The following SV2B variants were observed in gnomAD, a reference collection of about 807,000 sequenced individuals.
The protein encoded by SV2B is solute carrier family 22 member B2.
In SV2B, 41 loss-of-function variants were observed where a neutral mutation model predicts 73.9. The observed-to-expected ratio is 0.56, with a 90% CI of 0.43 to 0.72. SV2B has a LOEUF of 0.72. Ranked by LOEUF, SV2B falls within the 30% of genes least tolerant of loss-of-function variation. The probability of loss-of-function intolerance (pLI) is 0.00; values close to 1 mark genes in which losing one functional copy is unlikely to be tolerated. For synonymous variants in SV2B, 314 were observed against 314.2 expected (o/e 1.00, Z 0.01); for missense variants, 764 against 857.8 (o/e 0.89, Z 1.37).
At chr15:91,177,320 G>T (rs1201561035) in intron 1 of SV2B, among the ~76,000 whole-genome samples, 5,716 of 147,612 alleles carry the variant, frequency 0.039, 326 homozygotes, top group African/African-American at 0.13. Flanking sequence ...TGAAGTCAGG[G>T]AGCGTGATGC....
intron 1 of SV2B, among the ~76,000 whole-genome samples, chr15:91,176,944 T>C (rs2044332872): frequency 6.6e-6 from 1 of 152,224 alleles, no homozygotes; most frequent in Non-Finnish European, 1.5e-5. Flanking sequence ...GCTTTTGGCA[T>C]TTTAGACATG....
intron 2 of SV2B, among the ~76,000 whole-genome samples, chr15:91,233,378 C>T (rs551789283): frequency 1.3e-5 from 2 of 152,138 alleles, no homozygotes; most frequent in Non-Finnish European, 2.9e-5. Context: ...AATGAATGAG[C>T]CCAAGGATTC....
Position 91,221,693 on chromosome 15 carries a change from G to GCGCGCGCGCGCGCACACA in SV2B, c.-391-4179_-391-4178insGCGCGCGCGCGCACACAC, listed in dbSNP as rs370290337. Among the ~76,000 whole-genome samples the GCGCGCGCGCGCGCACACA allele has an allele frequency of 3.1e-3, 437 of 140,152 alleles. 2 individuals carry two copies. The highest frequency in any genetic ancestry group is 0.012 in the African/African-American group (422 of 35,810). The allele number at this position is 140,152 out of a possible 152,430, so 91.9% of individuals were successfully genotyped here. A position where few individuals can be genotyped will look rare whatever the true frequency, so the allele number is the denominator to read the frequency against. ...CTGTGGACTATTACCAAGCATGTGCGCACACACACACACACACACACACAC... is the reference window on the plus strand; with the variant it reads ...CTGTGGACTATTACCAAGCATGTGCGCGCGCGCGCGCGCACACACACACACACACACACACACACACAC... On this transcript the variant is annotated intron_variant, in intron 1 of 12. Coordinates refer to ENST00000394232, the MANE Select transcript of SV2B (RefSeq NM_001323032.3).
rs2042159781 is a variant in SV2B at position 91,115,683 on chromosome 15, A to G, written c.-392+15320A>G. On this transcript the variant is annotated intron_variant, in intron 1 of 12. Transcript: ENST00000394232. The surrounding 1 kb of genome is among the most constrained non-coding windows in gnomAD (Gnocchi z 4.3). The stretch of plus-strand genomic sequence containing the variant: ...TGAGCCACTGCGCCTGGCCTTCCTT[A>G]TTTTTTTCTAAGGGGTTTCTAAGGG... Among the ~76,000 whole-genome samples, 1 of 151,358 alleles carries G rather than the reference A, an allele frequency of 6.6e-6. No homozygotes were observed. Among genetic ancestry groups the G allele is most frequent in the South Asian group, 2.1e-4 (1 of 4,782 alleles).
Position 91,232,435 on chromosome 15 carries a change from T to C in SV2B, c.451+5721T>C, listed in dbSNP as rs1160532279. Among the ~76,000 whole-genome samples the C allele has an allele frequency of 6.6e-6, 1 of 152,048 alleles. No homozygotes were observed. The highest frequency in any genetic ancestry group is 6.5e-5 in the Admixed American group (1 of 15,268). On this transcript the variant is annotated intron_variant, in intron 2 of 12. Transcript: ENST00000394232. This position sits in a 1 kb window ranked among gnomAD's most constrained non-coding sequence, Gnocchi z 4.7. Reference sequence around the variant, plus strand: ...GATTGCTGTGTTTAGGAGTGTGGAGTTGATTCCACCGGCAATGGAGAGCTG... The same window carrying C: ...GATTGCTGTGTTTAGGAGTGTGGAGCTGATTCCACCGGCAATGGAGAGCTG...
At position 91,281,838 on chromosome 15, in the gene SV2B, A is replaced by C. The variant is rs775286573; in HGVS notation, c.1484A>C (p.Glu495Ala). Reference protein sequence around the residue: ...TDTYFKNCTIESTIFYNTDLY... With the variant: ...TDTYFKNCTIASTIFYNTDLY... ...ACCTACTTCAAAAATTGTACCATTG[A>C]ATCAACCATCTTTTACAACACAGGT... The change falls in exon 10 of 13, where the codon GAA becomes GCA. Residue 495 changes from glutamate to alanine, a missense_variant. By Grantham distance (107) the Glu-to-Ala change is moderately radical (BLOSUM62 -1). Transcript: ENST00000394232. This position sits in a 1 kb window ranked among gnomAD's most constrained non-coding sequence, Gnocchi z 4.7. 11 of 1,612,586 alleles carry C rather than the reference A, an allele frequency of 6.8e-6. 1 individual carries two copies. The highest frequency in any genetic ancestry group is 1.7e-4 in the Middle Eastern group (1 of 5,780).
In SV2B at chr15:91,179,936, T is replaced by TA. The variant is rs1327494781; in HGVS notation, c.-391-45937_-391-45936insA. Among the ~76,000 whole-genome samples the TA allele has an allele frequency of 2.0e-5, 3 of 151,516 alleles. No individual in the cohort carries two copies. In the East Asian group the frequency reaches 5.9e-4, roughly 30 times the overall value. On this transcript the variant is annotated intron_variant, in intron 1 of 12. Coordinates refer to ENST00000394232, the MANE Select transcript of SV2B (RefSeq NM_001323032.3). The stretch of plus-strand genomic sequence containing the variant: ...ATGTGTGAATTTGATCCTGTCGTTA[T>TA]GATGTTAGCTGGTTATTTTGCTCAT...
In SV2B at chr15:91,226,667, G is replaced by A; in HGVS notation, c.404G>A (p.Ser135Asn). ...EVFVVSFALP[S>N]AEKDMCLSSS... is the part of the protein sequence containing the mutation. ...TTCGTGGTGAGTTTTGCCCTGCCCA[G>A]TGCAGAGAAGGACATGTGTCTGTCC... Residue 135 changes from serine to asparagine, a missense_variant, in exon 2 of 13, where the codon AGT (serine) becomes AAT (asparagine). Ser to Asn is a conservative substitution (Grantham distance 46). Transcript: ENST00000394232. 6.2e-7 allele frequency: 1 copy of A among 1,613,452 alleles called. No individual in the cohort carries two copies. The highest frequency in any genetic ancestry group is 2.2e-5 in the East Asian group (1 of 44,892).
intron 1 of SV2B, among the ~76,000 whole-genome samples, chr15:91,191,853 C>G (rs889175356): frequency 1.3e-5 from 2 of 152,128 alleles, no homozygotes; most frequent in East Asian, 3.8e-4. Context: ...GTATTTATTA[C>G]TCTATCTCAT....
intron 1 of SV2B, among the ~76,000 whole-genome samples, chr15:91,173,744 G>T (rs938115910): frequency 1.3e-5 from 2 of 152,176 alleles, no homozygotes; most frequent in East Asian, 3.9e-4. Flanking sequence ...ATGCAGGAAA[G>T]AATAGGTGAA....
chr15:91,109,198 A>G lies in SV2B; in HGVS notation c.-392+8835A>G, dbSNP rs567916532. 1.1e-4 allele frequency among the ~76,000 whole-genome samples: 17 copies of G among 152,334 alleles called. No individual in the cohort carries two copies. The South Asian group carries it at 2.9e-3, about 26-fold the overall frequency. ...GTACCCTTGGAAAAGTGGATGCACA[A>G]TCTCATTTGTTTCCTGCCAGCTCTG... On this transcript the variant is annotated intron_variant, in intron 1 of 12. Transcript: ENST00000394232.
rs2048931396 is a variant in SV2B at position 91,288,374 on chromosome 15, C to T, written c.1709-1147C>T. 6.6e-6 allele frequency among the ~76,000 whole-genome samples: 1 copy of T among 152,044 alleles called. No homozygotes were observed. On this transcript the variant is annotated intron_variant, in intron 11 of 12. Transcript: ENST00000394232. This position sits in a 1 kb window ranked among gnomAD's most constrained non-coding sequence, Gnocchi z 5.8. Reference sequence around the variant, plus strand: ...ATTAAGTCAAGCTAATTAACATATCCATCACCACACATATATATGTTTTGT... The same window carrying T: ...ATTAAGTCAAGCTAATTAACATATCTATCACCACACATATATATGTTTTGT...
chr15:91,148,992 T>C (rs994833783), intron 1 of SV2B, among the ~76,000 whole-genome samples: 1 of 152,220 alleles, frequency 6.6e-6, no homozygotes, highest in Admixed American at 6.5e-5. Context: ...TAACCAAATA[T>C]CTGGGCACCC....
Position 91,220,399 on chromosome 15 carries a change from A to G in SV2B, c.-391-5474A>G, listed in dbSNP as rs1337776730. Among the ~76,000 whole-genome samples the G allele has an allele frequency of 1.3e-5, 2 of 152,232 alleles. No homozygotes were observed. The highest frequency in any genetic ancestry group is 4.8e-5 in the African/African-American group (2 of 41,446). ...AATGTGCATTGTGCATTTCTGAAAGAGAATAGTGAATAGAAGATGCAGTGT... is the reference window on the plus strand; with the variant it reads ...AATGTGCATTGTGCATTTCTGAAAGGGAATAGTGAATAGAAGATGCAGTGT... On this transcript the variant is annotated intron_variant, in intron 1 of 12. Coordinates refer to ENST00000394232, the MANE Select transcript of SV2B (RefSeq NM_001323032.3). This position sits in a 1 kb window ranked among gnomAD's most constrained non-coding sequence, Gnocchi z 4.1.
Position 91,296,216 on chromosome 15 carries a change from G to A in SV2B, c.*3664G>A, listed in dbSNP as rs2049217863. 1 of 152,220 alleles carries A rather than the reference G, an allele frequency of 6.6e-6. No individual in the cohort carries two copies. Among genetic ancestry groups the A allele is most frequent in the African/African-American group, 2.4e-5 (1 of 41,464 alleles). 9.4% of individuals were successfully genotyped at this position (152,220 alleles called of 1,614,324 possible). ...AGAGGGACATTGGTGAGTGGGGTAAGAATCCCCGTAGCCCTGGGAAAGGTG... is the reference window on the plus strand; with the variant it reads ...AGAGGGACATTGGTGAGTGGGGTAAAAATCCCCGTAGCCCTGGGAAAGGTG... On this transcript the variant is annotated 3_prime_UTR_variant, in exon 13 of 13. Coordinates refer to ENST00000394232, the MANE Select transcript of SV2B (RefSeq NM_001323032.3).
At position 91,299,239 on chromosome 15, in the gene SV2B, T is replaced by C. The variant is rs1271448826; in HGVS notation, c.*6687T>C. ...TCACAAAGGAATTGCATAAAAATACTTACAAACATAACTATAAGCAATTGA... is the reference window on the plus strand; with the variant it reads ...TCACAAAGGAATTGCATAAAAATACCTACAAACATAACTATAAGCAATTGA... On this transcript the variant is annotated 3_prime_UTR_variant, in exon 13 of 13. Coordinates refer to ENST00000394232, the MANE Select transcript of SV2B (RefSeq NM_001323032.3). The C allele has an allele frequency of 1.3e-5, 2 of 152,196 alleles. No individual in the cohort carries two copies. Among genetic ancestry groups the C allele is most frequent in the African/African-American group, 2.4e-5 (1 of 41,454 alleles). 9.4% of individuals were successfully genotyped at this position (152,196 alleles called of 1,614,324 possible).
Position 91,258,690 on chromosome 15 carries a change from T to A in SV2B, c.918+136T>A. 1 of 1,279,430 alleles carries A rather than the reference T, an allele frequency of 7.8e-7. No individual in the cohort carries two copies. Among genetic ancestry groups the A allele is most frequent in the Non-Finnish European group, 1.1e-6 (1 of 944,076 alleles). The allele number at this position is 1,279,430 out of a possible 1,614,324, so 79.3% of individuals were successfully genotyped here. ...CAAACTCTCCCCTGGTCGGCTGACC[T>A]CACTCATCATTGAATCTGGCACCTG... On this transcript the variant is annotated intron_variant, in intron 5 of 12. Coordinates refer to ENST00000394232, the MANE Select transcript of SV2B (RefSeq NM_001323032.3). This position sits in a 1 kb window ranked among gnomAD's most constrained non-coding sequence, Gnocchi z 4.7.
At chr15:91,149,239 C>A (rs1031590114) in intron 1 of SV2B, among the ~76,000 whole-genome samples, 1 of 152,310 alleles carries the variant, frequency 6.6e-6, no homozygotes, top group South Asian at 2.1e-4. Flanking sequence ...GCAGGCAAAG[C>A]AATGCAGGTG....
chr15:91,216,905 T>TTTTG (rs2046049383), intron 1 of SV2B, among the ~76,000 whole-genome samples: 1 of 147,740 alleles, frequency 6.8e-6, no homozygotes, highest in African/African-American at 2.6e-5. Context: ...TTTTTTTTTT[T>TTTTG]GAGACCGAGC....
Sources: allele counts gnomAD v4.1 joint callset (sites outside exome capture counted in the v4.1 genomes callset), GRCh38; gene constraint gnomAD v4.1.1; non-coding constraint Gnocchi (gnomAD v3.1); transcripts MANE v1.5; gene names NCBI Gene and HGNC (gene_info 2026-07-23, HGNC 2026-07-21).